The following INF2 variants were observed in gnomAD, a reference collection of about 807,000 sequenced individuals.
The protein encoded by INF2 is inverted formin 2, also known as inverted formin-2.
INF2 carries 43 observed loss-of-function variants against 123.5 expected under a neutral mutation model. The observed-to-expected ratio is 0.35, with a 90% confidence interval of 0.27 to 0.45. The LOEUF (loss-of-function observed/expected upper bound fraction) is 0.45, where lower values mean the gene tolerates loss of function less well. INF2 is among the 20% of genes least tolerant of loss of function. The pLI is 1.00. For synonymous variants in INF2, 851 were observed against 745.0 expected (o/e 1.14, Z -2.32); for missense variants, 1,453 against 1,682.7 (o/e 0.86, Z 2.39).
In INF2 at chr14:104,707,768, C is replaced by T. The variant is rs1351932520; in HGVS notation, c.1501C>T (p.Pro501Ser). The change falls in exon 8 of 23, where the codon CCC becomes TCC. Residue 501 changes from proline to serine, a missense_variant. By Grantham distance (74) the Pro-to-Ser change is moderately conservative. Coordinates refer to ENST00000392634, the MANE Select transcript of INF2 (RefSeq NM_022489.4). ...ACCACTCCCGGGCTTGGGATGCCCG[C>T]CCCCACCCCCACCCCTGCTGCCTGG... ...PPPLPGLGCPPPPPPLLPGMG... is the reference protein window; with the variant it reads ...PPPLPGLGCPSPPPPLLPGMG... The T allele has an allele frequency of 6.4e-6, 8 of 1,244,526 alleles. No homozygotes were observed. Among genetic ancestry groups the T allele is most frequent in the Non-Finnish European group, 9.1e-6 (8 of 881,464 alleles). 77.1% of individuals were successfully genotyped at this position (1,244,526 alleles called of 1,614,324 possible). A position where few individuals can be genotyped will look rare whatever the true frequency, so the allele number is the denominator to read the frequency against.
At position 104,691,480 on chromosome 14, in the gene INF2, C is replaced by T. The variant is rs74607458; in HGVS notation, c.-10+1741C>T. Among the ~76,000 whole-genome samples, 128 of 152,324 alleles carry T rather than the reference C, an allele frequency of 8.4e-4. 4 individuals are homozygous for T. In the East Asian group the frequency reaches 0.024, roughly 29 times the overall value. ...ACCTGACTCCCTGCTGCCAGCCCCT[C>T]CCCTACCTCCATCTTGCAAACAGCA... On this transcript the variant is annotated intron_variant, in intron 1 of 22. Transcript: ENST00000392634.
At chr14:104,705,667 G>A (rs974598897) in intron 5 of INF2, among the ~76,000 whole-genome samples, 3 of 152,276 alleles carry the variant, frequency 2.0e-5, no homozygotes, top group Non-Finnish European at 2.9e-5. Context: ...GTCACGCAGC[G>A]CCCAGGGGAG....
rs1027558075 is a variant in INF2 at position 104,719,785 on chromosome 14, C to G, written c.*992C>G. 1 of 152,224 alleles carries G rather than the reference C, an allele frequency of 6.6e-6. No individual in the cohort carries two copies. Among genetic ancestry groups the G allele is most frequent in the African/African-American group, 2.4e-5 (1 of 41,432 alleles). The allele number at this position is 152,224 out of a possible 1,614,324, so 9.4% of individuals were successfully genotyped here. On this transcript the variant is annotated 3_prime_UTR_variant, in exon 23 of 23. Transcript: ENST00000392634. ...GGCCCCCAGGCACCGTGTGAGCATT[C>G]ACTGTTGAGGGTCCCCCAGTCCCCC...
At chr14:104,692,199 C>T (rs142126596) in intron 1 of INF2, among the ~76,000 whole-genome samples, 1,860 of 152,340 alleles carry the variant, frequency 0.012, 31 homozygotes, top group South Asian at 0.041. Flanking sequence ...CGGGGTCCCT[C>T]CGCACGGTCT....
chr14:104,715,253 C>T (rs571239935), intron 21 of INF2, 31 bp from the exon 22 acceptor site: 17 of 1,609,494 alleles, frequency 1.1e-5, no homozygotes, highest in Middle Eastern at 1.7e-4. Flanking sequence ...TGTGATAAGC[C>T]GTTGAGTGCG....
rs1474302352 is a variant in INF2, at chr14:104,721,464, G to T, written c.*2671G>T. 3 of 155,232 alleles carry T rather than the reference G, an allele frequency of 1.9e-5. No individual in the cohort carries two copies. The Admixed American group carries it at 2.0e-4, about 10-fold the overall frequency. The allele number at this position is 155,232 out of a possible 1,614,324, so 9.6% of individuals were successfully genotyped here. On this transcript the variant is annotated 3_prime_UTR_variant, in exon 23 of 23. Coordinates refer to ENST00000392634, the MANE Select transcript of INF2 (RefSeq NM_022489.4). The stretch of plus-strand genomic sequence containing the variant: ...TCTCATGTGGATGCTGCGAGTTTTC[G>T]TTGCTCTGGGGTAGATTCGTAGCGG...
Position 104,712,811 on chromosome 14 carries a change from C to T in INF2, c.2611-17C>T, listed in dbSNP as rs1262934554. 9 of 1,601,626 alleles carry T rather than the reference C, an allele frequency of 5.6e-6. No homozygotes were observed. Among genetic ancestry groups the T allele is most frequent in the East Asian group, 2.2e-5 (1 of 44,622 alleles). On this transcript the variant is annotated splice_polypyrimidine_tract_variant and intron_variant, in intron 17 of 22. Coordinates refer to ENST00000392634, the MANE Select transcript of INF2 (RefSeq NM_022489.4). ...GCGCGGGGCTCTCACGGGACTGTCACGTGCCCTTGCCCCCAGGCCAGCATC... is the reference window on the plus strand; with the variant it reads ...GCGCGGGGCTCTCACGGGACTGTCATGTGCCCTTGCCCCCAGGCCAGCATC...
rs1889656184 is a variant in INF2, at chr14:104,703,907, C to G, written c.668-9C>G. On this transcript the variant is annotated splice_polypyrimidine_tract_variant and intron_variant, in intron 4 of 22. Transcript: ENST00000392634. ...TCCGAACCCTCTGACCCTGTCCGTCCCTTCCCAGGGCTGCAGCTGCTGGAC... is the reference window on the plus strand; with the variant it reads ...TCCGAACCCTCTGACCCTGTCCGTCGCTTCCCAGGGCTGCAGCTGCTGGAC... The G allele has an allele frequency of 2.5e-6, 4 of 1,611,244 alleles. No individual in the cohort carries two copies. The East Asian group carries it at 8.9e-5, about 36-fold the overall frequency.
At chr14:104,703,985 C>A in intron 5 of INF2, 36 bp downstream of exon 5, 1 of 1,606,908 alleles carries the variant, frequency 6.2e-7, no homozygotes, top group Non-Finnish European at 8.5e-7. Context: ...CCGGCTCCCC[C>A]TCCTGCTCCC....
At chr14:104,701,316 C>T (rs1829501849) in intron 1 of INF2, 41 bp from the exon 2 acceptor site, 12 of 1,537,690 alleles carry the variant, frequency 7.8e-6, no homozygotes, top group Non-Finnish European at 9.7e-6. Flanking sequence ...GGACAGCCCC[C>T]ATCCCCTCCC....
chr14:104,715,738 G>A, intron 22 of INF2: 1 of 511,350 alleles, frequency 2.0e-6, no homozygotes, highest in Non-Finnish European at 3.8e-6. Context: ...TGCAGTTCCA[G>A]TAACCCTGTG....
intron 5 of INF2, among the ~76,000 whole-genome samples, chr14:104,705,264 A>C (rs1889728652): frequency 3.3e-5 from 5 of 152,224 alleles, no homozygotes; most frequent in Admixed American, 3.3e-4. Context: ...TAAAAGTACA[A>C]AAATTAGCTG....
chr14:104,700,872 A>C (rs1889446199), intron 1 of INF2: 1 of 984,972 alleles, frequency 1.0e-6, no homozygotes, highest in South Asian at 4.7e-5. Flanking sequence ...GAGGTTTGGA[A>C]TCTCCCTGTC....
In INF2 at chr14:104,710,150, T is replaced by G. The variant is rs754128624; in HGVS notation, c.2201T>G (p.Val734Gly). 26 of 1,552,922 alleles carry G rather than the reference T, an allele frequency of 1.7e-5. No homozygotes were observed. Residue 734 changes from valine (V) to glycine (G), a missense_variant, in exon 13 of 23, where the codon GTG (valine) becomes GGG (glycine). This residue lies in a region of INF2 where 192 missense variants were observed against 274.4 expected (regional missense o/e 0.70). Transcript: ENST00000392634. ...CEGAAAVLDM[V>G]RPKAQLVLAA... The stretch of plus-strand genomic sequence containing the variant: ...GGCGCGGCCGCCGTGCTGGACATGG[T>G]GCGGCCCAAGGCCCAGCTGGTGCTG...
chr14:104,695,641 C>T (rs1889157567), intron 1 of INF2, among the ~76,000 whole-genome samples: 1 of 124,182 alleles, frequency 8.1e-6, no homozygotes, highest in Non-Finnish European at 1.7e-5. Flanking sequence ...GCTGCATCCC[C>T]CTACCCCCCC....
intron 21 of INF2, 66 bp from the exon 22 acceptor site, chr14:104,715,218 C>T: frequency 6.6e-7 from 1 of 1,518,328 alleles, no homozygotes; most frequent in Non-Finnish European, 9.1e-7. Context: ...CCAGCCCCAC[C>T]CACTCCGAGT....
At chr14:104,683,007 G>A (rs1443658721) in intron 1 of INF2, among the ~76,000 whole-genome samples, 1 of 152,114 alleles carries the variant, frequency 6.6e-6, no homozygotes, top group Non-Finnish European at 1.5e-5. Flanking sequence ...GGGGAGCCAG[G>A]CTCCTCTGGC....
Position 104,684,097 on chromosome 14 carries a change from G to A in INF2, c.-104+2515G>A, listed in dbSNP as rs78402962. Reference sequence around the variant, plus strand: ...CCCTTCTTTAAGCAAAAGATGGCACGGACCCCCGACATAAGACAGTTCAAA... The same window carrying A: ...CCCTTCTTTAAGCAAAAGATGGCACAGACCCCCGACATAAGACAGTTCAAA... On this transcript the variant is annotated intron_variant, in intron 1 of 2. Transcript: ENST00000674723. The surrounding 1 kb of genome is among the most constrained non-coding windows in gnomAD (Gnocchi z 5.0). The A allele has an allele frequency of 5.2e-4, 235 of 456,006 alleles. 2 individuals carry two copies. The highest frequency in any genetic ancestry group is 4.7e-3 in the East Asian group (68 of 14,394). The allele number at this position is 456,006 out of a possible 1,614,324, so 28.2% of individuals were successfully genotyped here.
At position 104,700,885 on chromosome 14, in the gene INF2, T is replaced by C. The variant is rs542633731; in HGVS notation, c.-9-472T>C. ...CTGAGGTTTGGAATCTCCCTGTCCA[T>C]ATTGTCCACTGGGGCGGGGGAAGTG... On this transcript the variant is annotated intron_variant, in intron 1 of 22. Transcript: ENST00000392634. 1.5e-5 allele frequency: 15 copies of C among 984,716 alleles called. No individual in the cohort carries two copies. In the East Asian group the frequency reaches 1.5e-3, roughly 97 times the overall value. 61.0% of individuals were successfully genotyped at this position (984,716 alleles called of 1,614,324 possible). A position where few individuals can be genotyped will look rare whatever the true frequency, so the allele number is the denominator to read the frequency against.
Sources: gnomAD v4.1 joint callset for allele counts (sites outside exome capture counted in the v4.1 genomes callset) on GRCh38, gnomAD v4.1.1 for gene constraint, gnomAD v4.1.1 regional missense constraint, Gnocchi (gnomAD v3.1) non-coding constraint, MANE v1.5 for transcripts, NCBI Gene and HGNC (gene_info 2026-07-23, HGNC 2026-07-21) for gene names.